DEF8: variants seen among roughly 807,000 people sequenced by gnomAD.
DEF8 encodes the protein DEF-8.
Under a neutral mutation model 59.1 loss-of-function variants are expected in DEF8, and 38 were observed. The observed-to-expected ratio is 0.64, with a 90% CI of 0.50 to 0.84. The LOEUF is 0.84. Ranked by LOEUF, DEF8 falls within the 40% of genes least tolerant of loss-of-function variation. The pLI is 0.00. For synonymous variants in DEF8, 265 were observed against 250.1 expected (o/e 1.06, Z -0.56); for missense variants, 557 against 615.2 (o/e 0.91, Z 1.00).
intron 2 of DEF8, among the ~76,000 whole-genome samples, chr16:89,952,096 T>C (rs9923654): frequency 0.35 from 53,751 of 152,028 alleles, 13,762 homozygotes; most frequent in African/African-American, 0.73. Context: ...CCAGGATGGT[T>C]TCGATCTCCT....
At position 89,956,228 on chromosome 16, in the gene DEF8, G is replaced by A. The variant is rs535399519; in HGVS notation, c.222+962G>A. ...ATCCAGCACTTTGGGAGGCCGAGGC[G>A]GGCGGATCGTGAGGTCAGGAGTTCG... On this transcript the variant is annotated intron_variant, in intron 4 of 12. Transcript: ENST00000563594. Among the ~76,000 whole-genome samples the A allele has an allele frequency of 1.1e-4, 17 of 152,146 alleles. No individual in the cohort carries two copies. In the South Asian group the frequency reaches 3.5e-3, roughly 32 times the overall value.
chr16:89,957,083 G>T (rs1430749806), intron 4 of DEF8, among the ~76,000 whole-genome samples: 1 of 152,216 alleles, frequency 6.6e-6, no homozygotes, highest in Non-Finnish European at 1.5e-5. Context: ...GCTGGGGCTG[G>T]CTCTCGGCAT....
chr16:89,957,958 G>A (rs534822487), intron 5 of DEF8: 1 of 235,930 alleles, frequency 4.2e-6, no homozygotes, highest in East Asian at 9.1e-5. Context: ...TCCAGTGTCA[G>A]GAATCTTGCT....
intron 6 of DEF8, 96 bp downstream of exon 6, chr16:89,959,251 G>T (rs746188271): frequency 6.3e-7 from 1 of 1,576,414 alleles, no homozygotes; most frequent in East Asian, 2.3e-5. Context: ...CCAGTGTGGT[G>T]GCCACTAGCC....
intron 2 of DEF8, among the ~76,000 whole-genome samples, chr16:89,951,044 G>C (rs1018127437): frequency 2.0e-5 from 3 of 152,194 alleles, no homozygotes; most frequent in Non-Finnish European, 2.9e-5. Flanking sequence ...GTGCCGGCCA[G>C]TGTTCTCTGA....
In DEF8 at chr16:89,949,506, C is replaced by T. The variant is rs1433376789; in HGVS notation, c.-18C>T. On this transcript the variant is annotated 5_prime_UTR_variant, in exon 2 of 13. Transcript: ENST00000563594. ...CTGCGAGCCCCTGGGCCCTGGCAGG[C>T]GATGCAGGTATGGGCAGACAGGACG... The T allele has an allele frequency of 1.2e-6, 2 of 1,613,010 alleles. No homozygotes were observed. Among genetic ancestry groups the T allele is most frequent in the Admixed American group, 1.7e-5 (1 of 59,978 alleles).
In DEF8 at chr16:89,966,977, G is replaced by T. The variant is rs1050605552; in HGVS notation, c.*1014G>T. 12 of 285,046 alleles carry T rather than the reference G, an allele frequency of 4.2e-5. No individual in the cohort carries two copies. The highest frequency in any genetic ancestry group is 2.4e-4 in the African/African-American group (11 of 46,176). 17.7% of individuals were successfully genotyped at this position (285,046 alleles called of 1,614,324 possible). On this transcript the variant is annotated 3_prime_UTR_variant, in exon 13 of 13. Transcript: ENST00000563594. ...TCGCTCGACTGAGCACATTCAGGAA[G>T]ATCAGGGCAGGCGTGTGGGAGGTCC...
chr16:89,961,556 T>A (rs2034027154), intron 7 of DEF8, among the ~76,000 whole-genome samples, 181 bp from the exon 8 acceptor site: 1 of 152,210 alleles, frequency 6.6e-6, no homozygotes, highest in Non-Finnish European at 1.5e-5. Context: ...ATATCCCATT[T>A]TACTGATAAG....
At chr16:89,950,466 G>A (rs2031816031) in intron 2 of DEF8, 2 of 442,898 alleles carry the variant, frequency 4.5e-6, no homozygotes, top group Non-Finnish European at 3.0e-6. Flanking sequence ...TCGGCTCACT[G>A]CAACCTCCAC....
rs776445025 is a variant in DEF8 at position 89,967,775 on chromosome 16, T to C, written c.*1812T>C. ...TTCAAGTTACAAATCACTGTGTCCA[T>C]AGAAAAACTGTGCTGGTATTTGCTG... On this transcript the variant is annotated 3_prime_UTR_variant, in exon 13 of 13. Coordinates refer to ENST00000563594, the MANE Select transcript of DEF8 (RefSeq NM_001242818.2). 15 of 268,704 alleles carry C rather than the reference T, an allele frequency of 5.6e-5. No homozygotes were observed. The highest frequency in any genetic ancestry group is 9.0e-5 in the Non-Finnish European group (13 of 144,396). 16.6% of individuals were successfully genotyped at this position (268,704 alleles called of 1,614,324 possible).
chr16:89,965,772 G>C (rs538280557), intron 12 of DEF8, 89 bp from the exon 13 acceptor site: 13 of 791,006 alleles, frequency 1.6e-5, no homozygotes, highest in Middle Eastern at 2.3e-4. Flanking sequence ...CGGCTGTAGA[G>C]GGGATGATAG....
chr16:89,963,037 T>G (rs977636284), intron 9 of DEF8, among the ~76,000 whole-genome samples: 1 of 152,232 alleles, frequency 6.6e-6, no homozygotes, highest in Non-Finnish European at 1.5e-5. Context: ...CACGTTGAGT[T>G]GCCAAGGCCA....
intron 9 of DEF8, among the ~76,000 whole-genome samples, chr16:89,962,972 C>A (rs541600093): frequency 6.6e-6 from 1 of 152,242 alleles, no homozygotes; most frequent in Non-Finnish European, 1.5e-5. Context: ...TGGCGTCTCA[C>A]GCCAGGTAGT....
chr16:89,967,543 G>A lies in DEF8; in HGVS notation c.*1580G>A, dbSNP rs1297213238. On this transcript the variant is annotated 3_prime_UTR_variant, in exon 13 of 13. Transcript: ENST00000563594. Reference sequence around the variant, plus strand: ...TGGAACGGTGAGCAGGGAACATGTCGGAGTCCTTCAGAGAATGTGATGTGA... The same window carrying A: ...TGGAACGGTGAGCAGGGAACATGTCAGAGTCCTTCAGAGAATGTGATGTGA... The A allele has an allele frequency of 4.5e-5, 18 of 398,312 alleles. No homozygotes were observed. Among genetic ancestry groups the A allele is most frequent in the Non-Finnish European group, 5.8e-5 (13 of 226,072 alleles). The allele number at this position is 398,312 out of a possible 1,614,324, so 24.7% of individuals were successfully genotyped here. A position where few individuals can be genotyped will look rare whatever the true frequency, so the allele number is the denominator to read the frequency against.
Position 89,957,591 on chromosome 16 carries a change from G to C in DEF8, c.303G>C (p.Glu101Asp). ...AGCAGGTGATTCTGGAGCTGCCCGA[G>C]CAGTCGGAGAAGCAGAAGGATGCCG... ...ECKQVILELP[E>D]QSEKQKDAVV... The change falls in exon 5 of 13, where the codon GAG becomes GAC. Residue 101 changes from glutamate to aspartate, a missense_variant. Glu to Asp is a conservative substitution (Grantham distance 45). Coordinates refer to ENST00000563594, the MANE Select transcript of DEF8 (RefSeq NM_001242818.2). 6.3e-7 allele frequency: 1 copy of C among 1,586,472 alleles called. No homozygotes were observed. The highest frequency in any genetic ancestry group is 1.1e-5 in the South Asian group (1 of 87,252).
chr16:89,964,556 T>A lies in DEF8; in HGVS notation c.1234T>A (p.Cys412Ser). The A allele has an allele frequency of 6.3e-7, 1 of 1,576,234 alleles. No homozygotes were observed. The highest frequency in any genetic ancestry group is 8.6e-7 in the Non-Finnish European group (1 of 1,162,354). ...FDSHTSVCAD[C>S]SAVFHRDCYY... is the part of the protein sequence containing the mutation. ...CAGCCACACGTCTGTGTGCGCCGAC[T>A]GCTCCGCGGTCTTCCACAGGTGGGT... Residue 412 changes from cysteine to serine, a missense_variant, in exon 12 of 13, where the codon TGC (cysteine) becomes AGC (serine). By Grantham distance (112) the Cys-to-Ser change is moderately radical (BLOSUM62 -1). Coordinates refer to ENST00000563594, the MANE Select transcript of DEF8 (RefSeq NM_001242818.2).
intron 2 of DEF8, chr16:89,950,374 G>A: frequency 2.1e-6 from 2 of 970,454 alleles, no homozygotes; most frequent in Non-Finnish European, 2.4e-6. Flanking sequence ...GAGAACCAGA[G>A]TCTAAATCAG....
chr16:89,958,859 C>T (rs2033638464), intron 5 of DEF8, among the ~76,000 whole-genome samples, 155 bp from the exon 6 acceptor site: 1 of 152,188 alleles, frequency 6.6e-6, no homozygotes, highest in Non-Finnish European at 1.5e-5. Context: ...TCATTGTTTA[C>T]TGTGAAAGGG....
At position 89,955,027 on chromosome 16, in the gene DEF8, T is replaced by C; in HGVS notation, c.125-142T>C. 4.7e-6 allele frequency: 3 copies of C among 639,738 alleles called. No individual in the cohort carries two copies. The East Asian group carries it at 8.2e-5, about 17-fold the overall frequency. 39.6% of individuals were successfully genotyped at this position (639,738 alleles called of 1,614,324 possible). A position where few individuals can be genotyped will look rare whatever the true frequency, so the allele number is the denominator to read the frequency against. On this transcript the variant is annotated intron_variant, in intron 3 of 12. Transcript: ENST00000563594. ...AGACTGGACGGTGTGCAGATCTGAGTGGTGCCCAGCTCTCACGGTGCCTCC... is the reference window on the plus strand; with the variant it reads ...AGACTGGACGGTGTGCAGATCTGAGCGGTGCCCAGCTCTCACGGTGCCTCC...
Sources: allele counts gnomAD v4.1 joint callset (sites outside exome capture counted in the v4.1 genomes callset), GRCh38; gene constraint gnomAD v4.1.1; transcripts MANE v1.5; gene names NCBI Gene and HGNC (gene_info 2026-07-23, HGNC 2026-07-21).